DCAF8L2: variants seen among roughly 807,000 people sequenced by gnomAD.
DCAF8L2 encodes the protein DDB1- and CUL4-associated factor 8-like protein 2.
For synonymous variants in DCAF8L2, 200 were observed against 190.9 expected (o/e 1.05, Z -0.39); for missense variants, 430 against 490.7 (o/e 0.88, Z 1.17).
intron 4 of DCAF8L2, among the ~76,000 whole-genome samples, chrX:27,731,381 A>G (rs1921197848): frequency 9.0e-6 from 1 of 111,326 alleles, no homozygotes; most frequent in Non-Finnish European, 1.9e-5. Flanking sequence ...AACCTGGGCG[A>G]CAGAGAAAGA....
the DCAF8L2 span, among the ~76,000 whole-genome samples, chrX:27,551,293 G>A: frequency 1.8e-5 from 2 of 110,208 alleles, no homozygotes; most frequent in Admixed American, 9.8e-5. Context: ...CAACCACCAC[G>A]CTGATCACTA....
the DCAF8L2 span, among the ~76,000 whole-genome samples, chrX:27,583,634 G>A: frequency 1.1e-3 from 127 of 111,349 alleles, no homozygotes; most frequent in African/African-American, 4.0e-3. Context: ...TGAGCGGTAG[G>A]TGAGCGAGCT....
chrX:27,558,303 G>A, the DCAF8L2 span, among the ~76,000 whole-genome samples: 5 of 111,959 alleles, frequency 4.5e-5, no homozygotes, highest in African/African-American at 1.6e-4. Context: ...CTCCTGCCAA[G>A]ACAGTGGCTC....
At chrX:27,512,899 G>A in the DCAF8L2 span, among the ~76,000 whole-genome samples, 499 of 103,110 alleles carry the variant, frequency 4.8e-3, 3 homozygotes, top group Non-Finnish European at 7.5e-3. Flanking sequence ...AAACAGACAC[G>A]CAGACCAATA....
the DCAF8L2 span, among the ~76,000 whole-genome samples, chrX:27,545,345 G>A: frequency 2.3e-4 from 26 of 111,819 alleles, no homozygotes; most frequent in Middle Eastern, 4.6e-3. Context: ...TTGGCTGTGC[G>A]CACTTATCAT....
chrX:27,747,258 AGAGGAGGGAGGG>A lies in DCAF8L2; in HGVS notation c.371_382del (p.Gly124_Glu127del). The A allele has an allele frequency of 1.8e-6, 2 of 1,110,308 alleles. No individual in the cohort carries two copies. The highest frequency in any genetic ancestry group is 2.4e-6 in the Non-Finnish European group (2 of 839,370). 91.5% of individuals were successfully genotyped at this position (1,110,308 alleles called of 1,213,427 possible). On this transcript the variant is annotated inframe_deletion, in exon 5 of 5. Coordinates refer to ENST00000451261, the MANE Select transcript of DCAF8L2 (RefSeq NM_001353450.2). ...GGGAGGAGGAAGACGAAGAGATACA[AGAGGAGGGAGGG>A]GAGGAGGAGGAAGAGGAGGAGGAGG...
intron 2 of DCAF8L2, among the ~76,000 whole-genome samples, chrX:27,659,500 TGA>T (rs1297782983): frequency 9.8e-5 from 11 of 111,756 alleles, no homozygotes; most frequent in Admixed American, 5.7e-4. Flanking sequence ...TTCACATATA[TGA>T]GAGAGGGAAA....
chrX:27,575,811 T>G, the DCAF8L2 span, among the ~76,000 whole-genome samples: 1 of 112,262 alleles, frequency 8.9e-6, no homozygotes, highest in South Asian at 3.7e-4. Flanking sequence ...TTCATGGGAT[T>G]CATGTATAAA....
intron 1 of DCAF8L2, among the ~76,000 whole-genome samples, chrX:27,626,483 G>A (rs761854480): frequency 8.9e-6 from 1 of 111,909 alleles, no homozygotes; most frequent in South Asian, 3.8e-4. Flanking sequence ...GAAAGGAAGA[G>A]GAGGTGGATC....
the DCAF8L2 span, among the ~76,000 whole-genome samples, chrX:27,563,864 C>T: frequency 7.2e-5 from 8 of 111,523 alleles, no homozygotes; most frequent in African/African-American, 9.8e-5. Context: ...GATTTTTTCG[C>T]AATAAGTAGA....
the DCAF8L2 span, among the ~76,000 whole-genome samples, chrX:27,554,498 C>A: frequency 8.9e-6 from 1 of 111,741 alleles, no homozygotes; most frequent in Admixed American, 9.5e-5. Context: ...TTGCAGCAGG[C>A]CGAAACCATT....
intron 2 of DCAF8L2, among the ~76,000 whole-genome samples, chrX:27,645,045 C>T (rs182591990): frequency 2.1e-4 from 23 of 111,913 alleles, no homozygotes; most frequent in Admixed American, 7.6e-4. Context: ...CATGAGCTAC[C>T]GCACCCGCCC....
intron 1 of DCAF8L2, among the ~76,000 whole-genome samples, chrX:27,599,566 T>C (rs1282451069): frequency 1.8e-5 from 2 of 111,555 alleles, no homozygotes; most frequent in African/African-American, 6.5e-5. Context: ...AGTATAACTA[T>C]AAAGTAATAG....
chrX:27,549,253 GA>G, the DCAF8L2 span, among the ~76,000 whole-genome samples: 1 of 111,258 alleles, frequency 9.0e-6, no homozygotes, highest in East Asian at 2.8e-4. Context: ...CTGAAAAGTA[GA>G]TGAACTAGGA....
chrX:27,503,218 T>C, the DCAF8L2 span, among the ~76,000 whole-genome samples: 3 of 111,331 alleles, frequency 2.7e-5, no homozygotes, highest in East Asian at 2.8e-4. Flanking sequence ...GTCAGAAATA[T>C]GATTTTCCCA....
Position 27,732,159 on chromosome X carries a change from G to A in DCAF8L2, c.-58-14679G>A, listed in dbSNP as rs181253034. 4.5e-5 allele frequency among the ~76,000 whole-genome samples: 5 copies of A among 111,480 alleles called. No homozygotes were observed. In the East Asian group the frequency reaches 1.4e-3, roughly 32 times the overall value. ...GTGATAAGAGCACCAGAAATCTGCT[G>A]ACTTAGCAAATTTCCAGTAAACAAT... On this transcript the variant is annotated intron_variant, in intron 4 of 4. Transcript: ENST00000451261.
chrX:27,620,540 A>G (rs1927707450), intron 1 of DCAF8L2, among the ~76,000 whole-genome samples: 1 of 112,150 alleles, frequency 8.9e-6, no homozygotes, highest in South Asian at 3.7e-4. Context: ...AAGAAAATAT[A>G]CAAATGGCCG....
chrX:27,503,580 C>CA, the DCAF8L2 span, among the ~76,000 whole-genome samples: 37 of 105,823 alleles, frequency 3.5e-4, no homozygotes, highest in East Asian at 3.5e-3. Flanking sequence ...TTCACTTTTG[C>CA]AAAAAAAAAA....
Position 27,748,715 on chromosome X carries a change from A to G in DCAF8L2, c.1820A>G (p.Glu607Gly). The change falls in exon 5 of 5, where the codon GAA (glutamate) becomes GGA (glycine). Residue 607 changes from glutamate (E) to glycine (G), a missense_variant. Physicochemically the swap from Glu to Gly is moderately conservative, Grantham distance 98 (BLOSUM62 -2). Coordinates refer to ENST00000451261, the MANE Select transcript of DCAF8L2 (RefSeq NM_001353450.2). ...RSGEAEFPDEESDESSSTSET... is the reference protein window; with the variant it reads ...RSGEAEFPDEGSDESSSTSET... ...GGTGAAGCTGAATTTCCAGATGAAG[A>G]ATCGGATGAGTCTTCCAGCACTTCA... The G allele has an allele frequency of 8.3e-7, 1 of 1,198,866 alleles. No homozygotes were observed. The highest frequency in any genetic ancestry group is 1.1e-6 in the Non-Finnish European group (1 of 888,109).
Sources: allele counts gnomAD v4.1 joint callset (sites outside exome capture counted in the v4.1 genomes callset), GRCh38; gene constraint gnomAD v4.1.1; transcripts MANE v1.5; gene names NCBI Gene and HGNC (gene_info 2026-07-23, HGNC 2026-07-21).